The following XKR3 variants were observed in gnomAD, a reference collection of about 807,000 sequenced individuals.
The protein encoded by XKR3 is XK related 3.
XKR3 carries 27 observed loss-of-function variants against 40.3 expected under a neutral mutation model. The observed-to-expected ratio is 0.67, with a 90% CI of 0.49 to 0.92. The LOEUF (loss-of-function observed/expected upper bound fraction) is 0.92, where lower values mean the gene tolerates loss of function less well. XKR3 is among the 40% of genes least tolerant of loss of function. The pLI, the probability that XKR3 is intolerant of heterozygous loss-of-function variation, is 0.00. For missense variants in XKR3, 472 were observed against 537.6 expected (o/e 0.88, Z 1.21); for synonymous variants, 193 against 195.4 (o/e 0.99, Z 0.10).
At chr22:16,818,957 A>G (rs1421167334) in intron 1 of XKR3, among the ~76,000 whole-genome samples, 2 of 152,248 alleles carry the variant, frequency 1.3e-5, no homozygotes, top group Middle Eastern at 6.8e-3. Context: ...GAACAGTTGA[A>G]ATGAATCTAA....
At chr22:16,822,938 C>T (rs1418785312) in intron 1 of XKR3, among the ~76,000 whole-genome samples, 4 of 152,148 alleles carry the variant, frequency 2.6e-5, no homozygotes, top group Non-Finnish European at 5.9e-5. Flanking sequence ...GGTTGGAGTG[C>T]AGTGGCGTGA....
chr22:16,812,946 T>G (rs2060218406), intron 1 of XKR3, among the ~76,000 whole-genome samples: 1 of 152,106 alleles, frequency 6.6e-6, no homozygotes, highest in South Asian at 2.1e-4. Flanking sequence ...AGCCTTTTGT[T>G]GTAGATTATC....
chr22:16,821,083 CTCTGATGTTA>C (rs1011568152), intron 1 of XKR3, among the ~76,000 whole-genome samples: 1 of 152,110 alleles, frequency 6.6e-6, no homozygotes, highest in African/African-American at 2.4e-5. Context: ...AAGTCTTCAA[CTCTGATGTTA>C]TCTGATGCTC....
chr22:16,794,499 C>A (rs2060132681), intron 3 of XKR3, among the ~76,000 whole-genome samples: 1 of 152,162 alleles, frequency 6.6e-6, no homozygotes, highest in South Asian at 2.1e-4. Flanking sequence ...TACAATTATT[C>A]TCAGACAAAC....
intron 1 of XKR3, among the ~76,000 whole-genome samples, chr22:16,818,074 T>C (rs1461256695): frequency 6.6e-6 from 1 of 152,194 alleles, no homozygotes; most frequent in East Asian, 1.9e-4. Context: ...ACATATATTA[T>C]AAAACTTCTT....
chr22:16,815,658 T>C (rs1409628473), intron 1 of XKR3, among the ~76,000 whole-genome samples: 1 of 151,966 alleles, frequency 6.6e-6, no homozygotes, highest in Non-Finnish European at 1.5e-5. Context: ...AGAGTGAAGG[T>C]AGCAACATTT....
chr22:16,784,069 G>T lies in XKR3; in HGVS notation c.930C>A (p.Ile310=). Residue 310 remains isoleucine (I), a synonymous_variant, in exon 4 of 4, where the codon ATC becomes ATA. Transcript: ENST00000684488. ...AGTTGATGGCAGCATATAGCAGTGT[G>T]ATCAAGAAAAGCATCAGTACTGTAC... is the stretch of plus-strand genomic sequence containing the variant. The part of the protein sequence containing the change: ...MVGTVLMLFL[I]TLLYAAINFS... 6.2e-7 allele frequency: 1 copy of T among 1,614,182 alleles called. No homozygotes were observed. Among genetic ancestry groups the T allele is most frequent in the Non-Finnish European group, 8.5e-7 (1 of 1,180,040 alleles).
At chr22:16,820,942 C>A (rs1306119541) in intron 1 of XKR3, among the ~76,000 whole-genome samples, 2 of 152,072 alleles carry the variant, frequency 1.3e-5, no homozygotes, top group Admixed American at 1.3e-4. Context: ...TGATAGAATA[C>A]CCTTTTTCCC....
At chr22:16,785,725 A>G (rs796824377) in intron 3 of XKR3, among the ~76,000 whole-genome samples, 24 of 151,836 alleles carry the variant, frequency 1.6e-4, no homozygotes, top group African/African-American at 5.6e-4. Context: ...TTAGCCGGGC[A>G]TAGACCCAGA....
chr22:16,803,767 A>C (rs5748652), intron 2 of XKR3, among the ~76,000 whole-genome samples: 76,771 of 151,996 alleles, frequency 0.51, 19,767 homozygotes, highest in Non-Finnish European at 0.55. Flanking sequence ...ATAAGGGCTA[A>C]AAAGGGGAGG....
intron 3 of XKR3, among the ~76,000 whole-genome samples, chr22:16,785,887 CT>C (rs2060088351): frequency 1.3e-5 from 2 of 152,036 alleles, no homozygotes; most frequent in Admixed American, 6.6e-5. Flanking sequence ...AAAAAACACT[CT>C]TCATACACAA....
chr22:16,785,323 A>G (rs2146137435), intron 3 of XKR3, among the ~76,000 whole-genome samples: 1 of 151,528 alleles, frequency 6.6e-6, no homozygotes, highest in South Asian at 2.1e-4. Flanking sequence ...TCTCAAAAAA[A>G]CAAACAAAAA....
chr22:16,813,158 C>G (rs2146174151), intron 1 of XKR3, among the ~76,000 whole-genome samples: 1 of 152,050 alleles, frequency 6.6e-6, no homozygotes, highest in South Asian at 2.1e-4. Flanking sequence ...GTGGCAGGTG[C>G]CTGTAGTCCC....
chr22:16,805,264 A>C (rs2060185300), intron 2 of XKR3, among the ~76,000 whole-genome samples: 1 of 152,258 alleles, frequency 6.6e-6, no homozygotes, highest in South Asian at 2.1e-4. Flanking sequence ...GTATGCAAAA[A>C]TGATTTGTAT....
At chr22:16,804,578 C>A (rs1214550063) in intron 2 of XKR3, among the ~76,000 whole-genome samples, 1 of 152,126 alleles carries the variant, frequency 6.6e-6, no homozygotes, top group Non-Finnish European at 1.5e-5. Context: ...GTGAATAGAA[C>A]ACATTTGTCA....
chr22:16,793,961 A>G (rs1485860233), intron 3 of XKR3, among the ~76,000 whole-genome samples: 1 of 152,186 alleles, frequency 6.6e-6, no homozygotes, highest in Non-Finnish European at 1.5e-5. Flanking sequence ...GAGCTCCAAG[A>G]CTGGTTCTTC....
At chr22:16,809,784 G>A (rs5746902) in intron 1 of XKR3, among the ~76,000 whole-genome samples, 16,031 of 152,080 alleles carry the variant, frequency 0.11, 1,171 homozygotes, top group African/African-American at 0.2. Flanking sequence ...TTGAGACACG[G>A]TCTGGTTCTG....
chr22:16,810,437 T>G (rs1399081722), intron 1 of XKR3, among the ~76,000 whole-genome samples: 2 of 152,304 alleles, frequency 1.3e-5, no homozygotes, highest in East Asian at 3.9e-4. Flanking sequence ...TTAAGACACA[T>G]GCAGAATCTA....
intron 1 of XKR3, among the ~76,000 whole-genome samples, chr22:16,809,674 C>T (rs1047793751): frequency 9.2e-5 from 14 of 152,304 alleles, no homozygotes; most frequent in East Asian, 1.9e-4. Context: ...CTTACCTTAA[C>T]CAGTCAGGCT....
Sources: allele counts gnomAD v4.1 joint callset (sites outside exome capture counted in the v4.1 genomes callset), GRCh38; gene constraint gnomAD v4.1.1; transcripts MANE v1.5; gene names NCBI Gene and HGNC (gene_info 2026-07-23, HGNC 2026-07-21).